RPL12: variants seen among roughly 807,000 people sequenced by gnomAD.
RPL12 encodes ribosomal protein L12, also known as large ribosomal subunit protein uL11.
In RPL12, 10 loss-of-function variants were observed where a neutral mutation model predicts 24.5. The observed-to-expected ratio is 0.41, with a 90% CI of 0.25 to 0.69. The LOEUF is 0.69. Among genes scored for constraint, RPL12 ranks in the 30% least tolerant of loss-of-function variants. The pLI is 0.33. For synonymous variants in RPL12, 74 were observed against 76.1 expected, an observed-to-expected ratio of 0.97 and a Z score of 0.14; for missense variants, 137 against 205.3, an observed-to-expected ratio of 0.67 and a Z score of 2.03.
At chr9:127,448,503 CTGT>C (rs1564242781) in intron 4 of RPL12, 80 bp from the exon 5 acceptor site, 5 of 954,796 alleles carry the variant, frequency 5.2e-6, no homozygotes, top group Admixed American at 5.1e-5. Flanking sequence ...CATTTCTAGG[CTGT>C]TCCCATGCTT....
Position 127,448,333 on chromosome 9 carries a change from T to C in RPL12, c.379+4A>G. The C allele has an allele frequency of 4.4e-6, 7 of 1,606,900 alleles. No individual in the cohort carries two copies. The highest frequency in any genetic ancestry group is 1.3e-5 in the African/African-American group (1 of 74,898). ...ATGGCGGTTACATGTTGTCCTGCTC[T>C]TACCAGAGAGTTCTCTGGCTAAGGA... is the stretch of plus-strand genomic sequence containing the variant. On this transcript the variant is annotated splice_donor_region_variant and intron_variant, in intron 5 of 6. Coordinates refer to ENST00000361436, the MANE Select transcript of RPL12 (RefSeq NM_000976.4).
At chr9:127,449,791 A>G (rs1780384687) in intron 2 of RPL12, 83 bp from the exon 3 acceptor site, 6 of 1,086,932 alleles carry the variant, frequency 5.5e-6, no homozygotes, top group Non-Finnish European at 7.0e-6. Flanking sequence ...TCACTTGGCA[A>G]CAAAGGAAGC....
chr9:127,448,125 A>G, intron 5 of RPL12, 136 bp from the exon 6 acceptor site: 1 of 1,128,404 alleles, frequency 8.9e-7, no homozygotes, highest in Admixed American at 2.6e-5. Flanking sequence ...TAGAATATAG[A>G]GTTCCATCTA....
chr9:127,448,312 C>G, intron 5 of RPL12, 25 bp downstream of exon 5: 1 of 1,543,134 alleles, frequency 6.5e-7, no homozygotes, highest in Non-Finnish European at 9.0e-7. Context: ...ACAGTTATGG[C>G]GGTTACATGT....
chr9:127,451,138 G>T, intron 1 of RPL12, 143 bp downstream of exon 1: 1 of 1,152,640 alleles, frequency 8.7e-7, no homozygotes, highest in Non-Finnish European at 1.2e-6. Context: ...CAGAAAGGCT[G>T]AGGCTTGGCC....
chr9:127,447,885 A>T lies in RPL12; in HGVS notation c.484T>A (p.Cys162Ser). 8 of 1,612,450 alleles carry T rather than the reference A, an allele frequency of 5.0e-6. No homozygotes were observed. The highest frequency in any genetic ancestry group is 6.8e-6 in the Non-Finnish European group (8 of 1,179,280). ...ATGAAAATGTCACTTACGGCTGGGC[A>T]TTCCACAGCACCACTGTTGATGTCA... ...IDDINSGAVE[C>S]PAS Residue 162 changes from cysteine (C) to serine (S), a missense_variant, in exon 6 of 7, where the codon TGC becomes AGC. Transcript: ENST00000361436.
chr9:127,449,465 A>T (rs1834230447), intron 3 of RPL12, 103 bp from the exon 4 acceptor site: 4 of 1,321,136 alleles, frequency 3.0e-6, no homozygotes, highest in Admixed American at 3.8e-5. Flanking sequence ...TCTTTGCCCT[A>T]GGTCCGTACT....
intron 2 of RPL12, 60 bp downstream of exon 2, chr9:127,450,671 G>C (rs868789024): frequency 7.5e-7 from 1 of 1,326,308 alleles, no homozygotes; most frequent in Middle Eastern, 1.8e-4. Flanking sequence ...GTGACTCCAC[G>C]AGCCGGCGCT....
chr9:127,450,720 G>A lies in RPL12; in HGVS notation c.111+11C>T, dbSNP rs760491120. 4.5e-6 allele frequency: 7 copies of A among 1,570,212 alleles called. No homozygotes were observed. In the African/African-American group the frequency reaches 6.8e-5, roughly 15 times the overall value. On this transcript the variant is annotated intron_variant, in intron 2 of 6. Transcript: ENST00000361436. ...ATGTGAAAAAAATGCCCCTTGGAGG[G>A]GATAACGTACCAGACCCAGGGGGCC...
At chr9:127,450,022 G>T in intron 2 of RPL12, 1 of 276,010 alleles carries the variant, frequency 3.6e-6, no homozygotes, top group Non-Finnish European at 7.0e-6. Context: ...TCCCATGTCA[G>T]ACCACCCACG....
chr9:127,449,240 CA>C, intron 4 of RPL12, 40 bp downstream of exon 4: 1 of 1,545,498 alleles, frequency 6.5e-7, no homozygotes, highest in Non-Finnish European at 8.9e-7. Context: ...AAACATCTCA[CA>C]AACCATTACC....
Position 127,449,264 on chromosome 9 carries a change from G to T in RPL12, c.292+17C>A, listed in dbSNP as rs773781065. The T allele has an allele frequency of 3.1e-6, 5 of 1,606,990 alleles. No homozygotes were observed. The highest frequency in any genetic ancestry group is 4.3e-6 in the Non-Finnish European group (5 of 1,176,372). ...ACAAACCATTACCAAAACCAAACTA[G>T]GGAAAAGACAACTTACTGTTTTTCT... On this transcript the variant is annotated intron_variant, in intron 4 of 6. Coordinates refer to ENST00000361436, the MANE Select transcript of RPL12 (RefSeq NM_000976.4).
chr9:127,449,532 A>T (rs1237653096), intron 3 of RPL12, 78 bp downstream of exon 3: 5 of 1,426,600 alleles, frequency 3.5e-6, no homozygotes, highest in Admixed American at 1.8e-5. Flanking sequence ...CTGGTGGCAG[A>T]AATACTCTTC....
intron 4 of RPL12, 153 bp downstream of exon 4, chr9:127,449,127 CA>C: frequency 1.6e-6 from 1 of 607,802 alleles, no homozygotes; most frequent in Non-Finnish European, 2.9e-6. Flanking sequence ...GCATACGTGG[CA>C]CTTTTTCATA....
chr9:127,449,015 TG>T (rs1315790714), intron 4 of RPL12: 1 of 377,852 alleles, frequency 2.6e-6, no homozygotes, highest in East Asian at 6.0e-5. Context: ...TTGGTGGAGA[TG>T]GGGTTTCACC....
Position 127,450,813 on chromosome 9 carries a change from A to T in RPL12, c.38-9T>A, listed in dbSNP as rs192211099. On this transcript the variant is annotated splice_polypyrimidine_tract_variant and intron_variant, in intron 1 of 6. Transcript: ENST00000361436. ...GGTGCACCTCAGGTATACTGGGGGA[A>T]AAGAAGAGTTAGTGTCTGTGCAGAG... is the stretch of plus-strand genomic sequence containing the variant. The T allele has an allele frequency of 1.9e-3, 2,896 of 1,557,804 alleles. 55 individuals are homozygous for T. In the South Asian group the frequency reaches 0.028, roughly 15 times the overall value.
In RPL12 at chr9:127,450,813, AAAG is replaced by A. The variant is rs1446739855; in HGVS notation, c.38-12_38-10del. The A allele has an allele frequency of 5.1e-6, 8 of 1,557,706 alleles. No homozygotes were observed. The highest frequency in any genetic ancestry group is 5.2e-6 in the Non-Finnish European group (6 of 1,152,548). On this transcript the variant is annotated splice_polypyrimidine_tract_variant and intron_variant, in intron 1 of 6. Transcript: ENST00000361436. Reference sequence around the variant, plus strand: ...GGTGCACCTCAGGTATACTGGGGGAAAAGAAGAGTTAGTGTCTGTGCAGAGGGA... The same window carrying A: ...GGTGCACCTCAGGTATACTGGGGGAAAAGAGTTAGTGTCTGTGCAGAGGGA...
chr9:127,449,149 C>T (rs920313331), intron 4 of RPL12, 132 bp downstream of exon 4: 6 of 683,206 alleles, frequency 8.8e-6, no homozygotes, highest in Non-Finnish European at 1.5e-5. Context: ...CTACCTGGCT[C>T]TAGCAGCCCT....
intron 3 of RPL12, 35 bp downstream of exon 3, chr9:127,449,572 CCCA>C: frequency 6.4e-7 from 1 of 1,559,590 alleles, no homozygotes; most frequent in Non-Finnish European, 8.8e-7. Context: ...TACCTGTCCC[CCCA>C]CCCTCCTCTC....
Sources: gnomAD v4.1 joint callset for allele counts on GRCh38, gnomAD v4.1.1 for gene constraint, MANE v1.5 for transcripts, NCBI Gene and HGNC (gene_info 2026-07-23, HGNC 2026-07-21) for gene names.